KCNJ3: variants seen among roughly 807,000 people sequenced by gnomAD.
The protein encoded by KCNJ3 is potassium inwardly rectifying channel subfamily J member 3.
In KCNJ3, 4 loss-of-function variants were observed where a neutral mutation model predicts 39.2. That is an observed-to-expected ratio of 0.10 (90% CI 0.05 to 0.23). The LOEUF is 0.23. Ranked by LOEUF, KCNJ3 falls within the 10% of genes least tolerant of loss-of-function variation. The probability of loss-of-function intolerance (pLI) is 1.00; values close to 1 mark genes in which losing one functional copy is unlikely to be tolerated. For missense variants in KCNJ3, 276 were observed against 634.9 expected (o/e 0.43, Z 6.08); for synonymous variants, 230 against 237.4 (o/e 0.97, Z 0.29).
intron 2 of KCNJ3, among the ~76,000 whole-genome samples, chr2:154,735,732 T>C (rs1685519412): frequency 2.0e-5 from 3 of 152,318 alleles, no homozygotes; most frequent in South Asian, 2.1e-4. Flanking sequence ...TTATATGTTA[T>C]CTTAGATGAC....
At chr2:154,808,415 G>T (rs1257991628) in intron 2 of KCNJ3, among the ~76,000 whole-genome samples, 6 of 152,044 alleles carry the variant, frequency 3.9e-5, no homozygotes. Flanking sequence ...TGTTGAGGTG[G>T]ATTACACTCT....
intron 2 of KCNJ3, among the ~76,000 whole-genome samples, chr2:154,827,988 G>A (rs921716997): frequency 3.3e-5 from 5 of 152,028 alleles, no homozygotes; most frequent in Non-Finnish European, 5.9e-5. Flanking sequence ...GTTTATTCTT[G>A]TGTTAGATGA....
At chr2:154,725,228 T>C (rs896062614) in intron 2 of KCNJ3, among the ~76,000 whole-genome samples, 4 of 142,684 alleles carry the variant, frequency 2.8e-5, no homozygotes, top group African/African-American at 7.6e-5. Flanking sequence ...TAGATGGTTA[T>C]GTTCTGTTTT....
chr2:154,780,848 G>A (rs1037053586), intron 2 of KCNJ3, among the ~76,000 whole-genome samples: 64 of 152,252 alleles, frequency 4.2e-4, no homozygotes, highest in African/African-American at 1.5e-3. Context: ...GTGGTAGGAA[G>A]AATAATGGCT....
intron 1 of KCNJ3, among the ~76,000 whole-genome samples, chr2:154,707,874 C>T (rs556148793): frequency 6.6e-6 from 1 of 152,018 alleles, no homozygotes; most frequent in Non-Finnish European, 1.5e-5. Flanking sequence ...TTGTATTAAT[C>T]AATACTTGTT....
At chr2:154,827,569 T>C (rs1687290769) in intron 2 of KCNJ3, among the ~76,000 whole-genome samples, 1 of 152,082 alleles carries the variant, frequency 6.6e-6, no homozygotes, top group Admixed American at 6.6e-5. Context: ...AACTGCTGCT[T>C]GAAACACAAT....
chr2:154,768,903 G>C (rs375300647), intron 2 of KCNJ3, among the ~76,000 whole-genome samples: 1 of 151,932 alleles, frequency 6.6e-6, no homozygotes, highest in Non-Finnish European at 1.5e-5. Flanking sequence ...GGTCCTTCAC[G>C]TCCCTTTAAG....
intron 1 of KCNJ3, among the ~76,000 whole-genome samples, chr2:154,701,966 A>G (rs1684906025): frequency 6.6e-6 from 1 of 152,008 alleles, no homozygotes; most frequent in Non-Finnish European, 1.5e-5. Flanking sequence ...AAAAGGAGTC[A>G]TGTTTTATTG....
chr2:154,831,528 G>C (rs1687363880), intron 2 of KCNJ3, among the ~76,000 whole-genome samples: 1 of 152,160 alleles, frequency 6.6e-6, no homozygotes, highest in Non-Finnish European at 1.5e-5. Context: ...GCTGTAGCAT[G>C]GGGTGGGGGA....
intron 2 of KCNJ3, among the ~76,000 whole-genome samples, chr2:154,783,363 TC>T (rs1470889431): frequency 6.6e-6 from 1 of 152,174 alleles, no homozygotes; most frequent in African/African-American, 2.4e-5. Context: ...ACAGATCTGT[TC>T]TTTGTTGGAT....
chr2:154,722,007 CT>C (rs1685269986), intron 2 of KCNJ3, among the ~76,000 whole-genome samples: 2 of 152,210 alleles, frequency 1.3e-5, no homozygotes, highest in South Asian at 4.1e-4. Context: ...TGTCAATAAT[CT>C]TTTCTATTTC....
Position 154,856,038 on chromosome 2 carries a change from C to T in KCNJ3, c.*725C>T, listed in dbSNP as rs1574488582. The T allele has an allele frequency of 6.6e-6, 1 of 152,368 alleles. No individual in the cohort carries two copies. The highest frequency in any genetic ancestry group is 2.1e-4 in the South Asian group (1 of 4,828). The allele number at this position is 152,368 out of a possible 1,614,324, so 9.4% of individuals were successfully genotyped here. On this transcript the variant is annotated 3_prime_UTR_variant, in exon 3 of 3. Transcript: ENST00000295101. ...CAAGTTTGTGCTATCTATGGCCCTG[C>T]AAAAATATAACCATTACATGTTTAA...
intron 2 of KCNJ3, among the ~76,000 whole-genome samples, chr2:154,796,928 A>G (rs931295627): frequency 6.6e-6 from 1 of 152,148 alleles, no homozygotes; most frequent in Admixed American, 6.6e-5. Context: ...AGCCCATTTT[A>G]TTCTAGACTC....
intron 2 of KCNJ3, among the ~76,000 whole-genome samples, chr2:154,796,507 T>C (rs776398498): frequency 1.3e-5 from 2 of 152,144 alleles, no homozygotes; most frequent in African/African-American, 2.4e-5. Context: ...CTTTTGGGCA[T>C]TACTCAGTTG....
intron 2 of KCNJ3, among the ~76,000 whole-genome samples, chr2:154,712,609 T>A (rs2105153757): frequency 6.6e-6 from 1 of 152,274 alleles, no homozygotes; most frequent in South Asian, 2.1e-4. Flanking sequence ...AGAAAGAATT[T>A]CTTTCCTCAG....
intron 2 of KCNJ3, among the ~76,000 whole-genome samples, chr2:154,853,260 A>G (rs1237469548): frequency 2.6e-5 from 4 of 152,120 alleles, no homozygotes; most frequent in Non-Finnish European, 5.9e-5. Flanking sequence ...AACATAGTAT[A>G]TAGTGATAAC....
chr2:154,727,665 A>G (rs1685383508), intron 2 of KCNJ3, among the ~76,000 whole-genome samples: 1 of 151,358 alleles, frequency 6.6e-6, no homozygotes. Context: ...TTTAGTGTTT[A>G]CAGAATATCA....
chr2:154,792,850 T>A (rs960546386), intron 2 of KCNJ3, among the ~76,000 whole-genome samples: 2 of 152,124 alleles, frequency 1.3e-5, no homozygotes, highest in African/African-American at 2.4e-5. Flanking sequence ...TGGCAAACTG[T>A]TTTCTGAACA....
intron 2 of KCNJ3, among the ~76,000 whole-genome samples, chr2:154,806,401 C>A (rs911242712): frequency 1.4e-4 from 22 of 152,144 alleles, no homozygotes; most frequent in Non-Finnish European, 2.8e-4. Flanking sequence ...GGGCCCAGAA[C>A]TTTTTGAGCA....
Sources: gnomAD v4.1 joint callset for allele counts (sites outside exome capture counted in the v4.1 genomes callset) on GRCh38, gnomAD v4.1.1 for gene constraint, MANE v1.5 for transcripts, NCBI Gene and HGNC (gene_info 2026-07-23, HGNC 2026-07-21) for gene names.